The following PTPRD variants were observed in gnomAD, a reference collection of about 807,000 sequenced individuals.
PTPRD encodes protein tyrosine phosphatase receptor type D, also known as receptor-type tyrosine-protein phosphatase delta.
Under a neutral mutation model 214.5 loss-of-function variants are expected in PTPRD, and 34 were observed. The ratio of observed to expected loss-of-function variants is 0.16; its 90% CI spans 0.12 to 0.21. PTPRD has a LOEUF of 0.21. Ranked by LOEUF, PTPRD falls within the 10% of genes least tolerant of loss-of-function variation. The pLI is 1.00. For synonymous variants in PTPRD, 1,128 were observed against 845.7 expected (o/e 1.33, Z -5.79); for missense variants, 2,545 against 2,398.7 (o/e 1.06, Z -1.27).
At chr9:9,617,929 G>C (rs1024023210) in intron 7 of PTPRD, among the ~76,000 whole-genome samples, 1 of 151,204 alleles carries the variant, frequency 6.6e-6, no homozygotes, top group African/African-American at 2.4e-5. Context: ...AAAATTAGCC[G>C]GGCATGGTGG....
intron 9 of PTPRD, among the ~76,000 whole-genome samples, chr9:9,245,909 G>A (rs1042201831): frequency 2.0e-5 from 3 of 151,940 alleles, no homozygotes; most frequent in African/African-American, 4.8e-5. Context: ...CTTTGGCTTG[G>A]TTCTGTAGCT....
chr9:9,524,056 A>AT (rs910089091), intron 8 of PTPRD, among the ~76,000 whole-genome samples: 1 of 152,138 alleles, frequency 6.6e-6, no homozygotes, highest in Non-Finnish European at 1.5e-5. Context: ...ATCAAGTTAT[A>AT]TTTTGAACTG....
At chr9:8,856,995 G>C (rs749337170) in intron 11 of PTPRD, among the ~76,000 whole-genome samples, 1 of 152,172 alleles carries the variant, frequency 6.6e-6, no homozygotes, top group Non-Finnish European at 1.5e-5. Flanking sequence ...TTACAACTTT[G>C]ACTCTTCATT....
intron 39 of PTPRD, among the ~76,000 whole-genome samples, chr9:8,359,531 A>G (rs1166178232): frequency 6.6e-6 from 1 of 151,982 alleles, no homozygotes; most frequent in African/African-American, 2.4e-5. Flanking sequence ...ACAGGGTTTC[A>G]CTGTATTGCC....
At chr9:9,104,516 T>C (rs1052206842) in intron 10 of PTPRD, among the ~76,000 whole-genome samples, 2 of 152,146 alleles carry the variant, frequency 1.3e-5, no homozygotes, top group African/African-American at 4.8e-5. Flanking sequence ...GGTAATCAAA[T>C]TTGCAAAACC....
At chr9:9,329,543 A>G (rs1325208447) in intron 9 of PTPRD, among the ~76,000 whole-genome samples, 1 of 152,186 alleles carries the variant, frequency 6.6e-6, no homozygotes, top group African/African-American at 2.4e-5. Context: ...TGGATATACA[A>G]AAGCCAAGAA....
intron 9 of PTPRD, among the ~76,000 whole-genome samples, chr9:9,238,713 G>C (rs759317078): frequency 6.6e-6 from 1 of 151,998 alleles, no homozygotes; most frequent in Non-Finnish European, 1.5e-5. Context: ...CATGCAATGA[G>C]GTATATTCTA....
chr9:8,758,761 C>CT (rs35398834), intron 11 of PTPRD, among the ~76,000 whole-genome samples: 7,698 of 145,008 alleles, frequency 0.053, 464 homozygotes, highest in African/African-American at 0.15. Flanking sequence ...AGAAAATAAC[C>CT]TTTTTTTTTT....
chr9:8,444,499 G>A (rs1001301043), intron 34 of PTPRD, among the ~76,000 whole-genome samples: 1 of 151,750 alleles, frequency 6.6e-6, no homozygotes, highest in African/African-American at 2.4e-5. Context: ...TTGGAGTAAT[G>A]ACACAAAATA....
At chr9:9,730,454 A>G (rs10816170) in intron 7 of PTPRD, among the ~76,000 whole-genome samples, 34,768 of 152,042 alleles carry the variant, frequency 0.23, 4,900 homozygotes, top group South Asian at 0.31. Context: ...ATATGTATAC[A>G]CAGATCCAAA....
intron 9 of PTPRD, among the ~76,000 whole-genome samples, chr9:9,286,987 G>C (rs1248504990): frequency 1.4e-5 from 2 of 143,620 alleles, no homozygotes; most frequent in Non-Finnish European, 3.0e-5. Context: ...GCATTTGGAA[G>C]GCTGAGGCGG....
intron 11 of PTPRD, among the ~76,000 whole-genome samples, chr9:8,945,274 G>T (rs1178970356): frequency 6.6e-6 from 1 of 151,796 alleles, no homozygotes; most frequent in Admixed American, 6.6e-5. Context: ...CCCACTTAAG[G>T]CCTGAATTAT....
chr9:8,900,759 A>G (rs2154251199), intron 11 of PTPRD, among the ~76,000 whole-genome samples: 1 of 152,338 alleles, frequency 6.6e-6, no homozygotes, highest in South Asian at 2.1e-4. Flanking sequence ...CTGAACACAC[A>G]TTAAATGTGG....
chr9:9,197,140 A>T (rs1053260209), intron 9 of PTPRD, among the ~76,000 whole-genome samples: 2 of 152,186 alleles, frequency 1.3e-5, no homozygotes, highest in African/African-American at 4.8e-5. Flanking sequence ...ATAAGATTAC[A>T]GTACCAAATG....
chr9:9,230,430 C>T (rs761770301), intron 9 of PTPRD, among the ~76,000 whole-genome samples: 2 of 152,074 alleles, frequency 1.3e-5, no homozygotes, highest in Non-Finnish European at 2.9e-5. Context: ...TACAGTGTTT[C>T]CCTGAGATCT....
intron 5 of PTPRD, among the ~76,000 whole-genome samples, chr9:9,858,963 C>A (rs1328635785): frequency 6.6e-6 from 1 of 152,152 alleles, no homozygotes; most frequent in Admixed American, 6.5e-5. Context: ...TCTGTGCCCC[C>A]ACCCAAATCT....
intron 26 of PTPRD, among the ~76,000 whole-genome samples, chr9:8,495,239 C>A (rs1022021879): frequency 4.6e-5 from 7 of 151,976 alleles, no homozygotes; most frequent in Non-Finnish European, 8.8e-5. Context: ...AAGTAGACTC[C>A]CCCTCCTTAC....
At chr9:9,481,141 G>T (rs1037096605) in intron 8 of PTPRD, among the ~76,000 whole-genome samples, 1 of 152,158 alleles carries the variant, frequency 6.6e-6, no homozygotes, top group African/African-American at 2.4e-5. Context: ...AAGTGGTAAA[G>T]GGTGGAGTGT....
intron 2 of PTPRD, among the ~76,000 whole-genome samples, chr9:10,481,654 C>G (rs2099098683): frequency 6.6e-6 from 1 of 152,228 alleles, no homozygotes; most frequent in African/African-American, 2.4e-5. Flanking sequence ...CAGCCATGAA[C>G]TTATTGTAAA....
Sources: gnomAD v4.1 joint callset for allele counts (sites outside exome capture counted in the v4.1 genomes callset) on GRCh38, gnomAD v4.1.1 for gene constraint, MANE v1.5 for transcripts, NCBI Gene and HGNC (gene_info 2026-07-23, HGNC 2026-07-21) for gene names.